The following ARHGEF12 variants were observed in gnomAD, a reference collection of about 807,000 sequenced individuals.
The protein encoded by ARHGEF12 is Rho guanine nucleotide exchange factor 12.
Under a neutral mutation model 211.2 loss-of-function variants are expected in ARHGEF12, and 66 were observed. That is an observed-to-expected ratio of 0.31 (90% confidence interval 0.26 to 0.38). ARHGEF12 has a LOEUF of 0.38. Ranked by LOEUF, ARHGEF12 falls within the 10% of genes least tolerant of loss-of-function variation. The probability of loss-of-function intolerance (pLI) is 1.00; values close to 1 mark genes in which losing one functional copy is unlikely to be tolerated. For synonymous variants in ARHGEF12, 592 were observed against 638.4 expected (o/e 0.93, Z 1.09); for missense variants, 1,429 against 1,869.5 (o/e 0.76, Z 4.34).
intron 27 of ARHGEF12, chr11:120,465,012 GAA>G: frequency 2.3e-6 from 1 of 439,284 alleles, no homozygotes; most frequent in Non-Finnish European, 4.0e-6. Context: ...TCAAAAAAAA[GAA>G]AAAAAAAAGA....
At chr11:120,407,957 A>C in intron 3 of ARHGEF12, 134 bp downstream of exon 3, 35 of 687,228 alleles carry the variant, frequency 5.1e-5, no homozygotes, top group Non-Finnish European at 7.6e-5. Context: ...CAATTATATC[A>C]TAATAAAGCC....
At chr11:120,440,314 C>A in intron 13 of ARHGEF12, 93 bp downstream of exon 13, 1 of 1,053,752 alleles carries the variant, frequency 9.5e-7, no homozygotes, top group South Asian at 1.4e-5. Flanking sequence ...ATTAAGATAA[C>A]ATTTGTAAGG....
intron 1 of ARHGEF12, among the ~76,000 whole-genome samples, chr11:120,340,977 T>G (rs1942517671): frequency 6.6e-6 from 1 of 152,252 alleles, no homozygotes; most frequent in Non-Finnish European, 1.5e-5. Flanking sequence ...TTATTTGAAA[T>G]CATTACAAAA....
intron 1 of ARHGEF12, among the ~76,000 whole-genome samples, chr11:120,375,766 A>G (rs780758681): frequency 2.6e-5 from 4 of 151,928 alleles, no homozygotes; most frequent in Non-Finnish European, 4.4e-5. Context: ...GTTTTTACCT[A>G]TTGTTCTTTT....
At chr11:120,432,249 A>G (rs1945569256) in intron 11 of ARHGEF12, among the ~76,000 whole-genome samples, 1 of 152,168 alleles carries the variant, frequency 6.6e-6, no homozygotes, top group Non-Finnish European at 1.5e-5. Flanking sequence ...AGAGCATGTT[A>G]ATATTCCATT....
At chr11:120,383,296 A>G (rs1836874896) in intron 1 of ARHGEF12, among the ~76,000 whole-genome samples, 1 of 151,864 alleles carries the variant, frequency 6.6e-6, no homozygotes, top group African/African-American at 2.4e-5. Context: ...GGCACCAGGG[A>G]CCGGTTTTGT....
chr11:120,482,986 G>T (rs1316811056), intron 39 of ARHGEF12, among the ~76,000 whole-genome samples: 1 of 152,086 alleles, frequency 6.6e-6, no homozygotes, highest in Non-Finnish European at 1.5e-5. Flanking sequence ...GCCCATTGAG[G>T]ACAGGTCGGT....
intron 1 of ARHGEF12, among the ~76,000 whole-genome samples, chr11:120,396,131 G>A (rs893075478): frequency 1.3e-5 from 2 of 152,164 alleles, no homozygotes; most frequent in African/African-American, 4.8e-5. Context: ...GTGAGAGCAT[G>A]TCAGTGGCAT....
At chr11:120,406,053 A>G in intron 1 of ARHGEF12, 65 bp from the exon 2 acceptor site, 2 of 1,262,642 alleles carry the variant, frequency 1.6e-6, no homozygotes, top group Non-Finnish European at 2.2e-6. Flanking sequence ...TAGGATGAAT[A>G]AATTTAGTAA....
At chr11:120,468,541 C>T (rs560892278) in intron 29 of ARHGEF12, among the ~76,000 whole-genome samples, 6 of 152,274 alleles carry the variant, frequency 3.9e-5, no homozygotes, top group African/African-American at 7.2e-5. Flanking sequence ...CTCCACCTCC[C>T]GGGTTCAAGC....
rs1339478545 is a variant in ARHGEF12, at chr11:120,448,422, A to T, written c.1737+74A>T. ...ACATTTGGTTGCAGTGTCTTCCATC[A>T]TCTTAGTATTTACTTAATCAGCAAA... On this transcript the variant is annotated intron_variant, in intron 20 of 40. Coordinates refer to ENST00000397843, the MANE Select transcript of ARHGEF12 (RefSeq NM_015313.3). 19 of 1,081,274 alleles carry T rather than the reference A, an allele frequency of 1.8e-5. No homozygotes were observed. The Admixed American group carries it at 3.7e-4, about 21-fold the overall frequency. The allele number at this position is 1,081,274 out of a possible 1,614,324, so 67.0% of individuals were successfully genotyped here. A position where few individuals can be genotyped will look rare whatever the true frequency, so the allele number is the denominator to read the frequency against.
In ARHGEF12 at chr11:120,431,882, G is replaced by T; in HGVS notation, c.895G>T (p.Ala299Ser). 6.2e-7 allele frequency: 1 copy of T among 1,611,286 alleles called. No individual in the cohort carries two copies. Among genetic ancestry groups the T allele is most frequent in the South Asian group, 1.1e-5 (1 of 90,262 alleles). ...CAGGACTGACTGTAGCAGTGGAGAT[G>T]CTTCTCGGCCCAGTAGTGACAATGC... ...LGRTDCSSGD[A>S]SRPSSDNADS... Residue 299 changes from alanine to serine, a missense_variant, in exon 11 of 41, where the codon GCT (alanine) becomes TCT (serine). By Grantham distance (99) the Ala-to-Ser change is moderately conservative. Around this residue, in one of 7 missense-constraint regions of ARHGEF12, gnomAD observed 254 missense variants for 286.4 expected, o/e 0.89. Coordinates refer to ENST00000397843, the MANE Select transcript of ARHGEF12 (RefSeq NM_015313.3).
intron 1 of ARHGEF12, among the ~76,000 whole-genome samples, chr11:120,345,581 T>C (rs999286430): frequency 4.0e-5 from 6 of 151,658 alleles, no homozygotes; most frequent in African/African-American, 1.2e-4. Flanking sequence ...CGGGTGCCTG[T>C]AGTCCCAGCT....
At chr11:120,459,442 T>C in intron 26 of ARHGEF12, 122 bp downstream of exon 26, 1 of 1,019,002 alleles carries the variant, frequency 9.8e-7, no homozygotes, top group Non-Finnish European at 1.4e-6. Flanking sequence ...GAATGTAAGA[T>C]AAATAAAGGA....
rs558979935 is a variant in ARHGEF12 at position 120,458,966 on chromosome 11, A to G, written c.2381-208A>G. 8.4e-6 allele frequency: 3 copies of G among 358,970 alleles called. No homozygotes were observed. The Admixed American group carries it at 1.4e-4, about 16-fold the overall frequency. The allele number at this position is 358,970 out of a possible 1,614,324, so 22.2% of individuals were successfully genotyped here. ...ACTAAAAAAAATAGTTTTGAATGAT[A>G]TTTTTTATTTGTCAGTATTCAACTC... On this transcript the variant is annotated intron_variant, in intron 25 of 40. Transcript: ENST00000397843.
In ARHGEF12 at chr11:120,480,445, CACTTAA is replaced by C. The variant is rs747640071; in HGVS notation, c.4237+20_4237+25del. ...ACGCATCTCAGGCAAGTATCTTTCACACTTAAACTTTGATTTTGATTTTGATCATTG... is the reference window on the plus strand; with the variant it reads ...ACGCATCTCAGGCAAGTATCTTTCACACTTTGATTTTGATTTTGATCATTG... On this transcript the variant is annotated intron_variant, in intron 38 of 40. Coordinates refer to ENST00000397843, the MANE Select transcript of ARHGEF12 (RefSeq NM_015313.3). 156 of 1,585,890 alleles carry C rather than the reference CACTTAA, an allele frequency of 9.8e-5. No homozygotes were observed. Among genetic ancestry groups the C allele is most frequent in the Non-Finnish European group, 1.3e-4 (147 of 1,166,466 alleles).
chr11:120,407,656 TAAGA>T, intron 2 of ARHGEF12, 78 bp from the exon 3 acceptor site: 1 of 1,016,980 alleles, frequency 9.8e-7, no homozygotes, highest in Admixed American at 1.9e-5. Flanking sequence ...GTTTTTCTTG[TAAGA>T]TCCACTTTTA....
In ARHGEF12 at chr11:120,486,877, A is replaced by G. The variant is rs370549571; in HGVS notation, c.*1800A>G. 9 of 212,092 alleles carry G rather than the reference A, an allele frequency of 4.2e-5. No individual in the cohort carries two copies. The highest frequency in any genetic ancestry group is 1.4e-4 in the East Asian group (2 of 14,074). 13.1% of individuals were successfully genotyped at this position (212,092 alleles called of 1,614,324 possible). On this transcript the variant is annotated 3_prime_UTR_variant, in exon 41 of 41. Coordinates refer to ENST00000397843, the MANE Select transcript of ARHGEF12 (RefSeq NM_015313.3). ...ATCTTTAGACCTCATCTATAAATTG[A>G]AATTATATTTTTAGTCATAAGCCAA...
intron 1 of ARHGEF12, among the ~76,000 whole-genome samples, chr11:120,351,456 T>TATATATATATA (rs1264817590): frequency 6.9e-4 from 2 of 2,880 alleles, no homozygotes; most frequent in Non-Finnish European, 5.0e-4. Flanking sequence ...TATATATATA[T>TATATATATATA]TTTTTTTTTT....
Sources: allele counts gnomAD v4.1 joint callset (sites outside exome capture counted in the v4.1 genomes callset), GRCh38; gene constraint gnomAD v4.1.1; regional missense constraint gnomAD v4.1.1; transcripts MANE v1.5; gene names NCBI Gene and HGNC (gene_info 2026-07-23, HGNC 2026-07-21).